Variants in HERC1 observed in about 807,000 individuals in gnomAD.
HERC1 encodes probable E3 ubiquitin-protein ligase HERC1.
HERC1 carries 160 observed loss-of-function variants against 554.3 expected under a neutral mutation model. The observed-to-expected ratio is 0.29, with a 90% CI of 0.25 to 0.33. The LOEUF (loss-of-function observed/expected upper bound fraction) is 0.33, where lower values mean the gene tolerates loss of function less well. Among genes scored for constraint, HERC1 ranks in the 10% least tolerant of loss-of-function variants. HERC1 has a pLI of 1.00. For synonymous variants in HERC1, 2,175 were observed against 2,131.7 expected (o/e 1.02, Z -0.56); for missense variants, 4,919 against 5,918.5 (o/e 0.83, Z 5.54).
In HERC1 at chr15:63,661,031, C is replaced by T. The variant is rs556332212; in HGVS notation, c.9171-6G>A. On this transcript the variant is annotated splice_polypyrimidine_tract_variant and splice_region_variant and intron_variant, in intron 45 of 77. Transcript: ENST00000443617. ...CTGGAGCTTGTCCCTTGTACCTGCA[C>T]CAAACATGAAGAACATTGCATTTTT... The T allele has an allele frequency of 1.2e-6, 2 of 1,607,734 alleles. No homozygotes were observed. Among genetic ancestry groups the T allele is most frequent in the East Asian group, 4.5e-5 (2 of 44,808 alleles).
At position 63,706,666 on chromosome 15, in the gene HERC1, T is replaced by C. The variant is rs1406403590; in HGVS notation, c.4636+114A>G. 6 of 558,086 alleles carry C rather than the reference T, an allele frequency of 1.1e-5. No individual in the cohort carries two copies. In the East Asian group the frequency reaches 1.2e-4, roughly 11 times the overall value. The allele number at this position is 558,086 out of a possible 1,614,324, so 34.6% of individuals were successfully genotyped here. A position where few individuals can be genotyped will look rare whatever the true frequency, so the allele number is the denominator to read the frequency against. On this transcript the variant is annotated intron_variant, in intron 25 of 77. Coordinates refer to ENST00000443617, the MANE Select transcript of HERC1 (RefSeq NM_003922.4). ...CAGTTACATTTCAAAGACAATCATA[T>C]CTAAATACATCAGATATAAAAACAG...
chr15:63,799,016 TG>T, intron 1 of HERC1, among the ~76,000 whole-genome samples: 1 of 152,356 alleles, frequency 6.6e-6, no homozygotes, highest in Middle Eastern at 3.4e-3. Flanking sequence ...GCGTCATCTC[TG>T]GGCTTACTTT....
At chr15:63,652,138 C>T (rs2069722881) in intron 52 of HERC1, among the ~76,000 whole-genome samples, 1 of 152,174 alleles carries the variant, frequency 6.6e-6, no homozygotes, top group Non-Finnish European at 1.5e-5. Context: ...CTCTTAAAGA[C>T]CTATAGCAAA....
chr15:63,653,337 G>T (rs1232270102), intron 51 of HERC1, among the ~76,000 whole-genome samples: 1 of 152,082 alleles, frequency 6.6e-6, no homozygotes. Flanking sequence ...CAGCTATGCG[G>T]GAGGCTGAGG....
At chr15:63,683,925 A>C (rs1436846275) in intron 34 of HERC1, among the ~76,000 whole-genome samples, 2 of 152,260 alleles carry the variant, frequency 1.3e-5, no homozygotes, top group Non-Finnish European at 2.9e-5. Context: ...TGTGTGCTCT[A>C]GGTTATTTCA....
intron 1 of HERC1, among the ~76,000 whole-genome samples, chr15:63,804,505 G>A (rs1468092447): frequency 6.6e-6 from 1 of 151,806 alleles, no homozygotes; most frequent in African/African-American, 2.4e-5. Flanking sequence ...AGAATCACTT[G>A]AACCCAGGAG....
intron 37 of HERC1, among the ~76,000 whole-genome samples, chr15:63,676,521 C>T (rs1595949131): frequency 6.6e-6 from 1 of 152,014 alleles, no homozygotes; most frequent in Admixed American, 6.6e-5. Flanking sequence ...CTTTGGGAGG[C>T]CGAGGCAGGT....
intron 60 of HERC1, 131 bp downstream of exon 60, chr15:63,641,339 T>C (rs1211438900): frequency 4.4e-6 from 3 of 682,432 alleles, no homozygotes; most frequent in African/African-American, 3.6e-5. Context: ...CTTACCTTCA[T>C]TTGATTCTGC....
chr15:63,729,109 T>A (rs1197312155), intron 16 of HERC1, 127 bp downstream of exon 16: 5 of 857,418 alleles, frequency 5.8e-6, no homozygotes, highest in South Asian at 2.0e-5. Flanking sequence ...ACTAAAGGAA[T>A]CTTCAATAGA....
chr15:63,792,476 A>G (rs2076681308), intron 1 of HERC1, among the ~76,000 whole-genome samples: 1 of 152,244 alleles, frequency 6.6e-6, no homozygotes, highest in South Asian at 2.1e-4. Context: ...TCAGCAAAGC[A>G]GAATGAACGT....
chr15:63,640,813 T>C (rs1344089924), intron 60 of HERC1, among the ~76,000 whole-genome samples: 1 of 152,190 alleles, frequency 6.6e-6, no homozygotes, highest in Non-Finnish European at 1.5e-5. Flanking sequence ...ATATAGTACA[T>C]TTTCATCATG....
intron 34 of HERC1, among the ~76,000 whole-genome samples, chr15:63,681,128 CCT>C (rs1229680656): frequency 6.6e-6 from 1 of 152,070 alleles, no homozygotes; most frequent in Non-Finnish European, 1.5e-5. Flanking sequence ...CTTGCATATA[CCT>C]CTGTTTAGAA....
chr15:63,770,462 C>G (rs2075917481), intron 2 of HERC1, among the ~76,000 whole-genome samples: 1 of 152,150 alleles, frequency 6.6e-6, no homozygotes, highest in Non-Finnish European at 1.5e-5. Flanking sequence ...TCTTTTTAAC[C>G]CAGTGCCTAG....
At chr15:63,793,414 C>T (rs2076714083) in intron 1 of HERC1, among the ~76,000 whole-genome samples, 1 of 152,186 alleles carries the variant, frequency 6.6e-6, no homozygotes, top group Admixed American at 6.5e-5. Context: ...AAACACACTC[C>T]CAACAGTGCC....
At chr15:63,660,827 C>T in intron 46 of HERC1, 146 bp downstream of exon 46, 3 of 535,740 alleles carry the variant, frequency 5.6e-6, no homozygotes, top group Non-Finnish European at 6.6e-6. Flanking sequence ...TATTAAATTC[C>T]CTTGAGTTTT....
At chr15:63,811,024 T>TG (rs1420181071) in intron 1 of HERC1, among the ~76,000 whole-genome samples, 3 of 151,932 alleles carry the variant, frequency 2.0e-5, no homozygotes, top group Non-Finnish European at 2.9e-5. Context: ...TAATGTCATT[T>TG]GGGAAAAAAA....
intron 69 of HERC1, 111 bp from the exon 70 acceptor site, chr15:63,628,926 C>T (rs2068425474): frequency 2.1e-6 from 2 of 945,174 alleles, no homozygotes; most frequent in East Asian, 2.5e-5. Flanking sequence ...ATAACTGTAC[C>T]ATGCATCAGC....
At chr15:63,791,692 C>A (rs774570232) in intron 1 of HERC1, among the ~76,000 whole-genome samples, 1 of 152,134 alleles carries the variant, frequency 6.6e-6, no homozygotes, top group Non-Finnish European at 1.5e-5. Context: ...AAAATCAATT[C>A]GATGTCTAAA....
At chr15:63,669,223 A>C (rs1199494525) in intron 40 of HERC1, among the ~76,000 whole-genome samples, 1 of 152,234 alleles carries the variant, frequency 6.6e-6, no homozygotes, top group African/African-American at 2.4e-5. Flanking sequence ...GAAAATGAAA[A>C]CACAGCATTT....
Sources: gnomAD v4.1 joint callset for allele counts (sites outside exome capture counted in the v4.1 genomes callset) on GRCh38, gnomAD v4.1.1 for gene constraint, MANE v1.5 for transcripts, NCBI Gene and HGNC (gene_info 2026-07-23, HGNC 2026-07-21) for gene names.